The following FLT1 variants were observed in gnomAD, a reference collection of about 807,000 sequenced individuals.
FLT1 encodes fms related receptor tyrosine kinase 1.
Under a neutral mutation model 156.3 loss-of-function variants are expected in FLT1, and 49 were observed. That is an observed-to-expected ratio of 0.31 (90% confidence interval 0.25 to 0.40). FLT1 has a LOEUF of 0.40. Among genes scored for constraint, FLT1 ranks in the 10% least tolerant of loss-of-function variants. The pLI is 1.00. For synonymous variants in FLT1, 594 were observed against 583.8 expected (o/e 1.02, Z -0.25); for missense variants, 1,322 against 1,637.2 (o/e 0.81, Z 3.32).
At chr13:28,371,818 TGA>T (rs1256706296) in intron 14 of FLT1, among the ~76,000 whole-genome samples, 2 of 151,948 alleles carry the variant, frequency 1.3e-5, no homozygotes, top group Non-Finnish European at 2.9e-5. Context: ...TGGTATAATC[TGA>T]GGTGTCAGGC....
At chr13:28,321,291 T>C (rs932798528) in intron 23 of FLT1, among the ~76,000 whole-genome samples, 172 bp downstream of exon 23, 4 of 152,216 alleles carry the variant, frequency 2.6e-5, no homozygotes, top group Non-Finnish European at 5.9e-5. Flanking sequence ...GTGGCCTTTC[T>C]GAGCCTTACA....
chr13:28,372,072 A>AT (rs1565990471), intron 14 of FLT1, among the ~76,000 whole-genome samples: 9 of 15,510 alleles, frequency 5.8e-4, no homozygotes, highest in African/African-American at 1.1e-3. Flanking sequence ...ATATATATAT[A>AT]TATATTTTTT....
At chr13:28,355,748 C>A (rs1853581) in intron 15 of FLT1, among the ~76,000 whole-genome samples, 81,242 of 152,066 alleles carry the variant, frequency 0.53, 23,324 homozygotes, top group Middle Eastern at 0.65. Flanking sequence ...CTAATCCAAT[C>A]TGGAAGGCCC....
rs61763173 is a variant in FLT1, at chr13:28,433,759, C to T, written c.813+60G>A. The T allele has an allele frequency of 2.1e-3, 3,257 of 1,516,430 alleles. 52 individuals are homozygous for T. In the African/African-American group the frequency reaches 0.035, roughly 16 times the overall value. 93.9% of individuals were successfully genotyped at this position (1,516,430 alleles called of 1,614,324 possible). A position where few individuals can be genotyped will look rare whatever the true frequency, so the allele number is the denominator to read the frequency against. The stretch of plus-strand genomic sequence containing the variant: ...GATTTTTCCCATCTCAAAACCCCTG[C>T]GGGATTTCACTTGCTTAAAATACTG... On this transcript the variant is annotated intron_variant, in intron 6 of 29. Coordinates refer to ENST00000282397, the MANE Select transcript of FLT1 (RefSeq NM_002019.4).
intron 4 of FLT1, among the ~76,000 whole-genome samples, chr13:28,436,192 A>C (rs1379449864): frequency 6.6e-6 from 1 of 152,192 alleles, no homozygotes; most frequent in Non-Finnish European, 1.5e-5. Flanking sequence ...CCACCACCGC[A>C]TGTGTAAGAA....
At chr13:28,412,140 C>G (rs1041608395) in intron 10 of FLT1, among the ~76,000 whole-genome samples, 1 of 152,158 alleles carries the variant, frequency 6.6e-6, no homozygotes, top group African/African-American at 2.4e-5. Flanking sequence ...GAGGGCACAA[C>G]CGGGGCTGGC....
At chr13:28,326,538 T>C (rs948968950) in intron 20 of FLT1, among the ~76,000 whole-genome samples, 7 of 148,390 alleles carry the variant, frequency 4.7e-5, no homozygotes, top group Non-Finnish European at 1.0e-4. Context: ...TTTTTTTTTT[T>C]TTTTTGAGAC....
At position 28,319,534 on chromosome 13, in the gene FLT1, T is replaced by A. The variant is rs2138826903; in HGVS notation, c.3175A>T (p.Thr1059Ser). 6.2e-7 allele frequency: 1 copy of A among 1,602,494 alleles called. No individual in the cohort carries two copies. The highest frequency in any genetic ancestry group is 8.5e-7 in the Non-Finnish European group (1 of 1,169,946). ...GCCATCCATTTCAGAGGAAGTCGAGTCTAGAAGAGGGCAAGGGGGCCTTGA... is the reference window on the plus strand; with the variant it reads ...GCCATCCATTTCAGAGGAAGTCGAGACTAGAAGAGGGCAAGGGGGCCTTGA... ...KNPDYVRKGDTRLPLKWMAPE... is the reference protein window; with the variant it reads ...KNPDYVRKGDSRLPLKWMAPE... The change falls in exon 24 of 30, where the codon ACT (threonine) becomes TCT (serine). Residue 1059 changes from threonine (T) to serine (S), a missense_variant and splice_region_variant. Coordinates refer to ENST00000282397, the MANE Select transcript of FLT1 (RefSeq NM_002019.4).
intron 1 of FLT1, among the ~76,000 whole-genome samples, chr13:28,469,025 C>G (rs868472084): frequency 1.3e-5 from 2 of 152,146 alleles, no homozygotes; most frequent in Non-Finnish European, 2.9e-5. Flanking sequence ...TCCCCTCATC[C>G]CTCAGTCTCT....
chr13:28,446,505 C>G (rs145365441), intron 3 of FLT1, among the ~76,000 whole-genome samples: 1 of 152,076 alleles, frequency 6.6e-6, no homozygotes, highest in African/African-American at 2.4e-5. Context: ...TATACATTTG[C>G]GATGAACAAT....
intron 10 of FLT1, among the ~76,000 whole-genome samples, chr13:28,408,144 G>A (rs995592205): frequency 6.6e-6 from 1 of 152,148 alleles, no homozygotes; most frequent in Non-Finnish European, 1.5e-5. Flanking sequence ...AAAAGATCGG[G>A]GATACCTTAG....
At chr13:28,337,250 C>T (rs769720127) in intron 17 of FLT1, among the ~76,000 whole-genome samples, 23 of 151,782 alleles carry the variant, frequency 1.5e-4, no homozygotes, top group Admixed American at 3.3e-4. Context: ...CTATCAGGTA[C>T]TATAAATTCC....
At chr13:28,489,943 A>G (rs961775849) in intron 1 of FLT1, among the ~76,000 whole-genome samples, 3 of 152,252 alleles carry the variant, frequency 2.0e-5, no homozygotes, top group African/African-American at 7.2e-5. Context: ...AGAAAACTTC[A>G]TATTAAAAAG....
intron 1 of FLT1, among the ~76,000 whole-genome samples, chr13:28,475,879 G>A (rs373856442): frequency 6.6e-6 from 1 of 152,136 alleles, no homozygotes; most frequent in Non-Finnish European, 1.5e-5. Flanking sequence ...GCATTATAAT[G>A]TCCCATCTCC....
intron 28 of FLT1, 52 bp from the exon 29 acceptor site, chr13:28,306,824 A>G: frequency 1.7e-6 from 2 of 1,203,732 alleles, no homozygotes; most frequent in East Asian, 2.3e-5. Context: ...GCGGGGGTCC[A>G]TGCTGAGCCT....
chr13:28,322,701 A>T lies in FLT1; in HGVS notation c.2953+89T>A. 8.6e-7 allele frequency: 1 copy of T among 1,159,260 alleles called. No homozygotes were observed. The highest frequency in any genetic ancestry group is 1.3e-6 in the Non-Finnish European group (1 of 772,292). 71.8% of individuals were successfully genotyped at this position (1,159,260 alleles called of 1,614,324 possible). A position where few individuals can be genotyped will look rare whatever the true frequency, so the allele number is the denominator to read the frequency against. ...TTCGAGTCTCCCACGGATGTTTATT[A>T]GAGTGATAAATAAGAAAAAAATTTC... is the stretch of plus-strand genomic sequence containing the variant. On this transcript the variant is annotated intron_variant, in intron 21 of 29. Transcript: ENST00000282397. The surrounding 1 kb of genome is among the most constrained non-coding windows in gnomAD (Gnocchi z 4.3).
chr13:28,353,781 G>A (rs1248290348), intron 15 of FLT1, among the ~76,000 whole-genome samples: 1 of 152,072 alleles, frequency 6.6e-6, no homozygotes, highest in African/African-American at 2.4e-5. Flanking sequence ...AGAGCTTCAT[G>A]TGCCCTCGTG....
chr13:28,387,165 A>G (rs1435728004), intron 13 of FLT1: 1 of 1,035,132 alleles, frequency 9.7e-7, no homozygotes, highest in East Asian at 6.0e-5. Flanking sequence ...AAGCAGCAAA[A>G]AGGCTGCAGA....
chr13:28,330,498 C>T (rs562691527), intron 18 of FLT1, among the ~76,000 whole-genome samples: 152 of 151,158 alleles, frequency 1.0e-3, no homozygotes, highest in African/African-American at 3.5e-3. Context: ...AAAGCCACTC[C>T]GACCCACTTG....
Sources: gnomAD v4.1 joint callset for allele counts (sites outside exome capture counted in the v4.1 genomes callset) on GRCh38, gnomAD v4.1.1 for gene constraint, Gnocchi (gnomAD v3.1) non-coding constraint, MANE v1.5 for transcripts, NCBI Gene and HGNC (gene_info 2026-07-23, HGNC 2026-07-21) for gene names.